The following ABCA9 variants were observed in gnomAD, a reference collection of about 807,000 sequenced individuals.
ABCA9 encodes ATP-binding cassette sub-family A member 9.
In ABCA9, 183 loss-of-function variants were observed where a neutral mutation model predicts 205.3. The ratio of observed to expected loss-of-function variants is 0.89; its 90% CI spans 0.79 to 1.01. ABCA9 has a LOEUF of 1.01. Ranked by LOEUF, ABCA9 falls within the 50% of genes least tolerant of loss-of-function variation. The probability of loss-of-function intolerance (pLI) is 0.00; values close to 1 mark genes in which losing one functional copy is unlikely to be tolerated. For synonymous variants in ABCA9, 651 were observed against 683.3 expected (o/e 0.95, Z 0.74); for missense variants, 1,805 against 1,912.4 (o/e 0.94, Z 1.05).
At chr17:69,047,600 T>C (rs1253919284) in intron 3 of ABCA9, among the ~76,000 whole-genome samples, 1 of 152,258 alleles carries the variant, frequency 6.6e-6, no homozygotes, top group East Asian at 1.9e-4. Flanking sequence ...AGTCTCTGCC[T>C]GAAATTCTCT....
intron 25 of ABCA9, among the ~76,000 whole-genome samples, chr17:69,003,938 G>T (rs956556304): frequency 2.0e-5 from 3 of 151,964 alleles, no homozygotes; most frequent in African/African-American, 4.8e-5. Flanking sequence ...CATTCTTCAC[G>T]TAGTTCTCGA....
chr17:69,033,709 G>A lies in ABCA9; in HGVS notation c.1276+17C>T. On this transcript the variant is annotated intron_variant, in intron 9 of 38. Coordinates refer to ENST00000340001, the MANE Select transcript of ABCA9 (RefSeq NM_080283.4). ...ATTATTGAAATTGTGTTAAATTACA[G>A]CCATGTTAGTACTTACCGGGCAAAA... The A allele has an allele frequency of 6.4e-7, 1 of 1,574,026 alleles. No individual in the cohort carries two copies. Among genetic ancestry groups the A allele is most frequent in the South Asian group, 1.2e-5 (1 of 84,800 alleles).
rs1031838772 is a variant in ABCA9 at position 69,049,207 on chromosome 17, T to C, written c.304+76A>G. On this transcript the variant is annotated intron_variant, in intron 3 of 38. Coordinates refer to ENST00000340001, the MANE Select transcript of ABCA9 (RefSeq NM_080283.4). ...CTAGAAACTTGAACATTCAACATAA[T>C]TTATGAAGGAAATCTCAAAATGAAT... is the stretch of plus-strand genomic sequence containing the variant. 2.1e-5 allele frequency: 29 copies of C among 1,379,550 alleles called. No homozygotes were observed. The African/African-American group carries it at 4.1e-4, about 19-fold the overall frequency. 85.5% of individuals were successfully genotyped at this position (1,379,550 alleles called of 1,614,324 possible). A position where few individuals can be genotyped will look rare whatever the true frequency, so the allele number is the denominator to read the frequency against.
chr17:69,077,258 T>G, the ABCA9 span, among the ~76,000 whole-genome samples: 1 of 152,206 alleles, frequency 6.6e-6, no homozygotes, highest in East Asian at 1.9e-4. Context: ...TGCCTTAATT[T>G]CATCATACCC....
chr17:69,014,387 G>A (rs2070504892), intron 22 of ABCA9, among the ~76,000 whole-genome samples: 1 of 152,106 alleles, frequency 6.6e-6, no homozygotes. Context: ...TTAGACTTGG[G>A]TCCCATCCCC....
chr17:69,060,815 T>C, intron 1 of ABCA9, 51 bp downstream of exon 1: 1 of 966,706 alleles, frequency 1.0e-6, no homozygotes, highest in African/African-American at 1.8e-5. Context: ...TTTATAGTCT[T>C]ATGTTATATT....
chr17:69,029,101 A>C, intron 11 of ABCA9, 68 bp downstream of exon 11: 1 of 933,676 alleles, frequency 1.1e-6, no homozygotes, highest in Non-Finnish European at 1.6e-6. Flanking sequence ...AATCCCTACC[A>C]AGAAATTACA....
In ABCA9 at chr17:69,057,378, C is replaced by T. The variant is rs115957106; in HGVS notation, c.-14+3488G>A. ...CATGCCTGCCTGCTTATGGGCTCAG[C>T]CTTGGCCTTGAGGGTAACCCACATA... On this transcript the variant is annotated intron_variant, in intron 1 of 38. Coordinates refer to ENST00000340001, the MANE Select transcript of ABCA9 (RefSeq NM_080283.4). Among the ~76,000 whole-genome samples the T allele has an allele frequency of 6.3e-3, 960 of 152,242 alleles. 13 individuals carry two copies. Among genetic ancestry groups the T allele is most frequent in the African/African-American group, 0.022 (924 of 41,536 alleles).
chr17:69,021,048 A>G (rs2070791271), intron 18 of ABCA9, among the ~76,000 whole-genome samples: 1 of 152,178 alleles, frequency 6.6e-6, no homozygotes, highest in Non-Finnish European at 1.5e-5. Flanking sequence ...TTTGAGGTGA[A>G]GCCTAGAGAA....
intron 29 of ABCA9, 23 bp downstream of exon 29, chr17:68,990,814 C>A (rs924783164): frequency 1.3e-6 from 2 of 1,595,226 alleles, no homozygotes; most frequent in Non-Finnish European, 1.7e-6. Flanking sequence ...AAATAGTTGA[C>A]GAAGAACATT....
intron 23 of ABCA9, among the ~76,000 whole-genome samples, chr17:69,009,449 G>T (rs1244907143): frequency 2.0e-5 from 3 of 152,178 alleles, no homozygotes; most frequent in Non-Finnish European, 4.4e-5. Flanking sequence ...AAAGAAGCCA[G>T]TGTGGCTGGA....
intron 3 of ABCA9, among the ~76,000 whole-genome samples, chr17:69,047,644 A>C (rs1332697217): frequency 6.6e-6 from 1 of 152,070 alleles, no homozygotes; most frequent in Non-Finnish European, 1.5e-5. Context: ...TGCTCTTATA[A>C]TTACTTTTGT....
chr17:68,983,465 A>G (rs1017545628), intron 36 of ABCA9, among the ~76,000 whole-genome samples: 3 of 152,166 alleles, frequency 2.0e-5, no homozygotes, highest in Non-Finnish European at 4.4e-5. Flanking sequence ...TGCATGCATC[A>G]GTATTTGGCA....
At chr17:69,035,628 A>G in intron 7 of ABCA9, 32 bp downstream of exon 7, 4 of 1,609,408 alleles carry the variant, frequency 2.5e-6, no homozygotes, top group African/African-American at 1.3e-5. Context: ...GAGAAAGAGA[A>G]TAAAAGACTT....
chr17:69,062,551 C>T (rs924971011), upstream of ABCA9, among the ~76,000 whole-genome samples: 5 of 152,090 alleles, frequency 3.3e-5, no homozygotes, highest in African/African-American at 1.2e-4. Flanking sequence ...CCCTCTGTCA[C>T]CCAGGCTGGA....
chr17:68,977,941 A>C (rs2068934146), intron 37 of ABCA9, among the ~76,000 whole-genome samples: 1 of 152,224 alleles, frequency 6.6e-6, no homozygotes, highest in African/African-American at 2.4e-5. Flanking sequence ...TGAAAGCAGA[A>C]GCATGTTGAT....
chr17:69,035,489 A>G, intron 7 of ABCA9, 58 bp from the exon 8 acceptor site: 1 of 1,430,938 alleles, frequency 7.0e-7, no homozygotes, highest in South Asian at 1.7e-5. Flanking sequence ...GTAGCACAAA[A>G]AAGGAATTTT....
Position 69,008,163 on chromosome 17 carries a change from C to A in ABCA9, c.3220G>T (p.Asp1074Tyr). 6.2e-7 allele frequency: 1 copy of A among 1,613,852 alleles called. No homozygotes were observed. The highest frequency in any genetic ancestry group is 8.5e-7 in the Non-Finnish European group (1 of 1,179,744). The change falls in exon 24 of 39, where the codon GAT becomes TAT. Residue 1074 changes from aspartate (D) to tyrosine (Y), a missense_variant. Physicochemically the swap from Asp to Tyr is radical, Grantham distance 160. Coordinates refer to ENST00000340001, the MANE Select transcript of ABCA9 (RefSeq NM_080283.4). ...AGGATCAAAAAGTACAGGGAAACAT[C>A]CACCAGTGCTTGGCCAAACCAGTAT... is the stretch of plus-strand genomic sequence containing the variant. ...SAYWFGQALV[D>Y]VSLYFLILLL...
the ABCA9 span, among the ~76,000 whole-genome samples, chr17:69,066,309 T>G: frequency 2.0e-4 from 30 of 152,246 alleles, no homozygotes; most frequent in African/African-American, 7.0e-4. Context: ...TGAAGGTTGC[T>G]CAATACATAT....
Sources: gnomAD v4.1 joint callset for allele counts (sites outside exome capture counted in the v4.1 genomes callset) on GRCh38, gnomAD v4.1.1 for gene constraint, MANE v1.5 for transcripts, NCBI Gene and HGNC (gene_info 2026-07-23, HGNC 2026-07-21) for gene names.